FOXP2: variants seen among roughly 807,000 people sequenced by gnomAD.
FOXP2 encodes forkhead box protein P2.
Under a neutral mutation model 115.8 loss-of-function variants are expected in FOXP2, and 12 were observed. The ratio of observed to expected loss-of-function variants is 0.10; its 90% CI spans 0.07 to 0.17. The LOEUF (loss-of-function observed/expected upper bound fraction) is 0.17, where lower values mean the gene tolerates loss of function less well. Among genes scored for constraint, FOXP2 ranks in the 10% least tolerant of loss-of-function variants. The probability of loss-of-function intolerance (pLI) is 1.00; values close to 1 mark genes in which losing one functional copy is unlikely to be tolerated. For missense variants in FOXP2, 629 were observed against 843.5 expected, an observed-to-expected ratio of 0.75 and a Z score of 3.15; for synonymous variants, 328 against 297.7, an observed-to-expected ratio of 1.10 and a Z score of -1.05.
chr7:114,203,724 C>G (rs1322054699), intron 1 of FOXP2, among the ~76,000 whole-genome samples: 2 of 152,290 alleles, frequency 1.3e-5, no homozygotes, highest in East Asian at 1.9e-4. Flanking sequence ...TTTCTCCTTT[C>G]TACTGTTCTC....
intron 1 of FOXP2, 124 bp downstream of exon 1, chr7:114,415,484 T>C (rs1793297888): frequency 2.8e-6 from 1 of 363,286 alleles, no homozygotes; most frequent in Admixed American, 3.8e-5. Context: ...TGTAGCTCAT[T>C]GAAATGAACT....
At chr7:114,241,837 A>G (rs774667272) in intron 1 of FOXP2, among the ~76,000 whole-genome samples, 1 of 151,764 alleles carries the variant, frequency 6.6e-6, no homozygotes, top group Non-Finnish European at 1.5e-5. Context: ...CCATCTGCCC[A>G]AACCAAATCA....
intron 3 of FOXP2, among the ~76,000 whole-genome samples, chr7:114,621,185 C>G (rs1439889188): frequency 6.6e-6 from 1 of 151,966 alleles, no homozygotes. Flanking sequence ...GCTTTGGTTA[C>G]ACATTTTGGA....
In FOXP2 at chr7:114,631,514, T is replaced by C; in HGVS notation, c.598-14T>C. On this transcript the variant is annotated splice_polypyrimidine_tract_variant and intron_variant, in intron 5 of 16. Transcript: ENST00000350908. Reference sequence around the variant, plus strand: ...GTTCTCTGCTGTTTACTGGTTTGGGTTTTCTGATACCAGCAGCAGCAGCAG... The same window carrying C: ...GTTCTCTGCTGTTTACTGGTTTGGGCTTTCTGATACCAGCAGCAGCAGCAG... The C allele has an allele frequency of 6.4e-7, 1 of 1,556,648 alleles. No individual in the cohort carries two copies. Among genetic ancestry groups the C allele is most frequent in the Non-Finnish European group, 8.7e-7 (1 of 1,149,738 alleles).
intron 2 of FOXP2, among the ~76,000 whole-genome samples, chr7:114,472,154 T>C (rs1473038736): frequency 1.3e-5 from 2 of 152,150 alleles, no homozygotes; most frequent in South Asian, 4.2e-4. Context: ...GTAATCATGG[T>C]TTCTTTATGC....
intron 1 of FOXP2, among the ~76,000 whole-genome samples, chr7:114,183,308 GT>G (rs1793506547): frequency 6.6e-6 from 1 of 151,950 alleles, no homozygotes; most frequent in Non-Finnish European, 1.5e-5. Context: ...TTAGATTAAG[GT>G]TTACATGTTT....
At chr7:114,361,097 A>G (rs562251675) in intron 2 of FOXP2, among the ~76,000 whole-genome samples, 1 of 152,244 alleles carries the variant, frequency 6.6e-6, no homozygotes, top group South Asian at 2.1e-4. Flanking sequence ...CTATTCCTCT[A>G]GTTAAAGCAA....
At chr7:114,211,904 C>T (rs1012760767) in intron 1 of FOXP2, among the ~76,000 whole-genome samples, 4 of 151,960 alleles carry the variant, frequency 2.6e-5, no homozygotes, top group Non-Finnish European at 5.9e-5. Flanking sequence ...AAAACCTCTT[C>T]TCTACTAAAA....
At chr7:114,341,286 T>C (rs1381235410) in intron 2 of FOXP2, among the ~76,000 whole-genome samples, 1 of 151,278 alleles carries the variant, frequency 6.6e-6, no homozygotes, top group Non-Finnish European at 1.5e-5. Context: ...CAATGTTTTC[T>C]AACTCAGTAA....
intron 1 of FOXP2, among the ~76,000 whole-genome samples, chr7:114,217,148 G>A (rs1457712252): frequency 6.6e-6 from 1 of 152,078 alleles, no homozygotes; most frequent in African/African-American, 2.4e-5. Context: ...TAACAAAAAA[G>A]GAAGTAAAAC....
At chr7:114,626,378 A>C (rs1804584169) in intron 3 of FOXP2, among the ~76,000 whole-genome samples, 1 of 151,808 alleles carries the variant, frequency 6.6e-6, no homozygotes, top group African/African-American at 2.4e-5. Context: ...TTCCCCATAA[A>C]GTTCACTTAT....
chr7:114,314,878 A>C (rs771427729), intron 2 of FOXP2, among the ~76,000 whole-genome samples: 1 of 152,198 alleles, frequency 6.6e-6, no homozygotes, highest in Non-Finnish European at 1.5e-5. Context: ...AATAAAATGG[A>C]TAAAGTAATG....
intron 1 of FOXP2, among the ~76,000 whole-genome samples, chr7:114,226,899 G>T (rs1223386907): frequency 6.6e-6 from 1 of 151,834 alleles, no homozygotes; most frequent in Admixed American, 6.6e-5. Context: ...ACTTATTTTT[G>T]TATTAAGCTG....
At position 114,254,392 on chromosome 7, in the gene FOXP2, CA is replaced by C. The variant is rs887368759; in HGVS notation, c.-101-33625del. Among the ~76,000 whole-genome samples, 4 of 152,288 alleles carry C rather than the reference CA, an allele frequency of 2.6e-5. No individual in the cohort carries two copies. In the South Asian group the frequency reaches 8.3e-4, roughly 32 times the overall value. On this transcript the variant is annotated intron_variant, in intron 1 of 17. Coordinates refer to the FOXP2 transcript ENST00000634411. ...GGATAATATCCTGCAGAGTGTTTTC[CA>C]ACTTGGTTCCATTCTCCCCGTCACT...
At chr7:114,361,631 T>G (rs549127112) in intron 2 of FOXP2, among the ~76,000 whole-genome samples, 12 of 152,114 alleles carry the variant, frequency 7.9e-5, no homozygotes, top group African/African-American at 2.2e-4. Flanking sequence ...TACTTTTATA[T>G]AGCAATTAGT....
chr7:114,086,518 C>G (rs961845872), upstream of FOXP2: 1 of 388,254 alleles, frequency 2.6e-6, no homozygotes, highest in Non-Finnish European at 5.1e-6. Flanking sequence ...CAGCAGCTGC[C>G]CGGACTCGCG....
intron 2 of FOXP2, among the ~76,000 whole-genome samples, chr7:114,520,868 T>A (rs1238669879): frequency 6.6e-6 from 1 of 152,244 alleles, no homozygotes; most frequent in Non-Finnish European, 1.5e-5. Context: ...GGCATTATGA[T>A]AATGTGTATC....
chr7:114,673,008 T>G (rs1363414126), intron 16 of FOXP2, among the ~76,000 whole-genome samples: 3 of 152,180 alleles, frequency 2.0e-5, no homozygotes, highest in Admixed American at 2.0e-4. Flanking sequence ...AGTTATTAAA[T>G]GTAATTACAG....
chr7:114,385,735 A>G (rs920352737), intron 2 of FOXP2, among the ~76,000 whole-genome samples: 1 of 152,170 alleles, frequency 6.6e-6, no homozygotes, highest in African/African-American at 2.4e-5. Context: ...AAGTGGTCCA[A>G]TATTACTCAC....
Sources: gnomAD v4.1 joint callset for allele counts (sites outside exome capture counted in the v4.1 genomes callset) on GRCh38, gnomAD v4.1.1 for gene constraint, MANE v1.5 for transcripts, NCBI Gene and HGNC (gene_info 2026-07-23, HGNC 2026-07-21) for gene names.